Variants in PLCL2 observed in about 807,000 individuals in gnomAD.
PLCL2 encodes the protein inactive phospholipase C-like protein 2.
PLCL2 carries 4 observed loss-of-function variants against 79.6 expected under a neutral mutation model. The ratio of observed to expected loss-of-function variants is 0.05; its 90% confidence interval spans 0.02 to 0.11. The LOEUF (loss-of-function observed/expected upper bound fraction) is 0.11, where lower values mean the gene tolerates loss of function less well. PLCL2 is among the 10% of genes least tolerant of loss of function. The probability of loss-of-function intolerance (pLI) is 1.00; values close to 1 mark genes in which losing one functional copy is unlikely to be tolerated. For synonymous variants in PLCL2, 484 were observed against 457.7 expected (o/e 1.06, Z -0.73); for missense variants, 895 against 1,291.0 (o/e 0.69, Z 4.70).
chr3:16,961,274 C>G (rs1438293665), intron 1 of PLCL2, among the ~76,000 whole-genome samples: 1 of 152,166 alleles, frequency 6.6e-6, no homozygotes, highest in Non-Finnish European at 1.5e-5. Flanking sequence ...TTCCACTGCA[C>G]ATTTCCATAT....
At chr3:17,025,593 T>C (rs6442662) in intron 3 of PLCL2, among the ~76,000 whole-genome samples, 24,450 of 152,160 alleles carry the variant, frequency 0.16, 2,207 homozygotes, top group African/African-American at 0.24. Context: ...TATTTCAGAA[T>C]TGTTTTGTAA....
intron 4 of PLCL2, among the ~76,000 whole-genome samples, chr3:17,057,855 T>C (rs1009114546): frequency 3.9e-5 from 6 of 152,222 alleles, no homozygotes; most frequent in Non-Finnish European, 8.8e-5. Context: ...TTGAGCTGAA[T>C]TGAATACAGA....
chr3:16,963,427 G>T (rs1025603713), intron 1 of PLCL2, among the ~76,000 whole-genome samples: 7 of 152,046 alleles, frequency 4.6e-5, no homozygotes, highest in Admixed American at 3.3e-4. Context: ...GAGAGAAAAT[G>T]TATATTAGTA....
chr3:16,953,834 C>T (rs35941157), intron 1 of PLCL2, among the ~76,000 whole-genome samples: 1 of 151,518 alleles, frequency 6.6e-6, no homozygotes, highest in African/African-American at 2.4e-5. Flanking sequence ...CATAGAAATA[C>T]GTTTTAAGAG....
chr3:17,048,230 C>T (rs2064801956), intron 4 of PLCL2, among the ~76,000 whole-genome samples: 1 of 152,164 alleles, frequency 6.6e-6, no homozygotes, highest in South Asian at 2.1e-4. Context: ...GAGATTCATT[C>T]TGAAAGCACT....
chr3:17,025,241 CTATAAAT>C (rs2064503778), intron 3 of PLCL2, among the ~76,000 whole-genome samples: 1 of 152,152 alleles, frequency 6.6e-6, no homozygotes, highest in African/African-American at 2.4e-5. Flanking sequence ...TTCCTTGGCT[CTATAAAT>C]GCAAGATCCA....
At chr3:17,021,630 A>ACACACC (rs60825850) in intron 3 of PLCL2, among the ~76,000 whole-genome samples, 16 of 137,904 alleles carry the variant, frequency 1.2e-4, no homozygotes, top group African/African-American at 3.8e-4. Flanking sequence ...ACACACACAC[A>ACACACC]CCCCAGATAC....
At chr3:17,066,254 T>G (rs1304401192) in intron 4 of PLCL2, among the ~76,000 whole-genome samples, 1 of 152,182 alleles carries the variant, frequency 6.6e-6, no homozygotes, top group Non-Finnish European at 1.5e-5. Flanking sequence ...GAGAGTGGAA[T>G]GAATCTTACT....
chr3:16,885,616 G>A (rs549110831), intron 1 of PLCL2, among the ~76,000 whole-genome samples: 1 of 152,322 alleles, frequency 6.6e-6, no homozygotes, highest in South Asian at 2.1e-4. Flanking sequence ...CCTCTTCCAG[G>A]ATTGGTCTGG....
At chr3:17,067,453 A>G (rs545810293) in intron 4 of PLCL2, among the ~76,000 whole-genome samples, 1 of 152,200 alleles carries the variant, frequency 6.6e-6, no homozygotes, top group African/African-American at 2.4e-5. Context: ...GTTAGAGTTC[A>G]GGGTCTTTCT....
chr3:17,044,267 C>G (rs2064758964), intron 4 of PLCL2: 1 of 152,368 alleles, frequency 6.6e-6, no homozygotes, highest in Non-Finnish European at 1.5e-5. Context: ...GGTGAGCCAT[C>G]TACCCTCTGC....
chr3:17,001,002 T>C (rs905626065), intron 1 of PLCL2, among the ~76,000 whole-genome samples: 1 of 152,144 alleles, frequency 6.6e-6, no homozygotes, highest in African/African-American at 2.4e-5. Flanking sequence ...ACTTTCATAC[T>C]GTTTTCCAAA....
intron 3 of PLCL2, among the ~76,000 whole-genome samples, chr3:17,031,582 G>T (rs534822958): frequency 1.2e-4 from 18 of 152,224 alleles, no homozygotes; most frequent in African/African-American, 4.1e-4. Context: ...ACATCCTTGA[G>T]GTGACCATGG....
chr3:17,079,216 C>T (rs1045245793), intron 5 of PLCL2, among the ~76,000 whole-genome samples: 1 of 152,198 alleles, frequency 6.6e-6, no homozygotes. Flanking sequence ...CATCCTCTCT[C>T]TACACAGCTG....
intron 4 of PLCL2, among the ~76,000 whole-genome samples, chr3:17,050,003 G>C (rs918580474): frequency 5.9e-5 from 9 of 152,118 alleles, no homozygotes; most frequent in Non-Finnish European, 1.0e-4. Context: ...CAATGGAACA[G>C]AATAGAGAAC....
intron 3 of PLCL2, among the ~76,000 whole-genome samples, chr3:17,030,548 A>T (rs2064569314): frequency 6.6e-6 from 1 of 152,182 alleles, no homozygotes. Flanking sequence ...AAGTTCTCCC[A>T]TCATCTTGCT....
chr3:17,025,754 T>A (rs1455100960), intron 3 of PLCL2, among the ~76,000 whole-genome samples: 1 of 152,162 alleles, frequency 6.6e-6, no homozygotes, highest in East Asian at 1.9e-4. Context: ...AGGTAATGAT[T>A]TTTCTCCACA....
At chr3:16,910,184 A>G (rs1696845175) in intron 1 of PLCL2, among the ~76,000 whole-genome samples, 1 of 152,038 alleles carries the variant, frequency 6.6e-6, no homozygotes, top group Admixed American at 6.5e-5. Flanking sequence ...TGGCTACTGC[A>G]CAATTTCTTT....
In PLCL2 at chr3:16,887,139, C is replaced by G. The variant is rs1020368641; in HGVS notation, c.327+1773C>G. Reference sequence around the variant, plus strand: ...ATAGATACCATTTCTTAATTGAAGGCTCTAGAAGCACATGGGGGAAATGAT... The same window carrying G: ...ATAGATACCATTTCTTAATTGAAGGGTCTAGAAGCACATGGGGGAAATGAT... On this transcript the variant is annotated intron_variant, in intron 1 of 5. Coordinates refer to ENST00000615277, the MANE Select transcript of PLCL2 (RefSeq NM_001144382.2). This position sits in a 1 kb window ranked among gnomAD's most constrained non-coding sequence, Gnocchi z 4.1. Among the ~76,000 whole-genome samples the G allele has an allele frequency of 1.1e-4, 16 of 152,150 alleles. No homozygotes were observed. Among genetic ancestry groups the G allele is most frequent in the Admixed American group, 5.2e-4 (8 of 15,274 alleles).
Sources: gnomAD v4.1 joint callset for allele counts (sites outside exome capture counted in the v4.1 genomes callset) on GRCh38, gnomAD v4.1.1 for gene constraint, Gnocchi (gnomAD v3.1) non-coding constraint, MANE v1.5 for transcripts, NCBI Gene and HGNC (gene_info 2026-07-23, HGNC 2026-07-21) for gene names.